The following GSAP variants were observed in gnomAD, a reference collection of about 807,000 sequenced individuals.
GSAP encodes the protein gamma-secretase-activating protein.
GSAP carries 118 observed loss-of-function variants against 131.7 expected under a neutral mutation model. The observed-to-expected ratio is 0.90, with a 90% CI of 0.77 to 1.04. GSAP has a LOEUF of 1.04. Among genes scored for constraint, GSAP ranks in the 50% least tolerant of loss-of-function variants. The pLI, the probability that GSAP is intolerant of heterozygous loss-of-function variation, is 0.00. For synonymous variants in GSAP, 381 were observed against 363.4 expected (o/e 1.05, Z -0.55); for missense variants, 1,019 against 1,013.2 (o/e 1.01, Z -0.08).
At chr7:77,407,298 G>C (rs1802462402) in intron 1 of GSAP, among the ~76,000 whole-genome samples, 1 of 152,056 alleles carries the variant, frequency 6.6e-6, no homozygotes, top group Admixed American at 6.6e-5. Flanking sequence ...ACATCAGCTT[G>C]GTTAGTGCTT....
At chr7:77,345,501 C>T (rs1296824794) in intron 19 of GSAP, among the ~76,000 whole-genome samples, 3 of 152,172 alleles carry the variant, frequency 2.0e-5, no homozygotes, top group Non-Finnish European at 2.9e-5. Context: ...GTGACCTGCA[C>T]GTATACATCC....
At chr7:77,377,258 A>AAAAAT in intron 9 of GSAP, 28 bp downstream of exon 9, 1 of 1,400,736 alleles carries the variant, frequency 7.1e-7, no homozygotes, top group Non-Finnish European at 9.4e-7. Context: ...AAAAAAAAAA[A>AAAAAT]GGAGTGCCCG....
intron 19 of GSAP, among the ~76,000 whole-genome samples, chr7:77,331,118 G>A (rs1196666473): frequency 4.6e-5 from 7 of 152,142 alleles, no homozygotes; most frequent in East Asian, 1.9e-4. Context: ...TCGAGACCAC[G>A]GTGAAACCCC....
chr7:77,348,122 TC>T (rs1792192277), intron 19 of GSAP, among the ~76,000 whole-genome samples: 1 of 151,964 alleles, frequency 6.6e-6, no homozygotes, highest in South Asian at 2.1e-4. Flanking sequence ...TGAGCTATGA[TC>T]ATGCCACTGC....
intron 19 of GSAP, among the ~76,000 whole-genome samples, chr7:77,346,270 C>CAAAAA (rs1223497863): frequency 0.1 from 4,183 of 40,564 alleles, 242 homozygotes; most frequent in Non-Finnish European, 0.12. Context: ...GACTCCATCT[C>CAAAAA]AAAAAAAAAA....
At chr7:77,409,417 A>G (rs947133601) in intron 1 of GSAP, among the ~76,000 whole-genome samples, 1 of 152,202 alleles carries the variant, frequency 6.6e-6, no homozygotes, top group Non-Finnish European at 1.5e-5. Context: ...GGCCTACTAT[A>G]CTTTTCAATG....
chr7:77,346,295 GAA>G (rs1270260964), intron 19 of GSAP, among the ~76,000 whole-genome samples: 1 of 124,758 alleles, frequency 8.0e-6, no homozygotes, highest in African/African-American at 3.2e-5. Context: ...AAAAAAGAAA[GAA>G]AGAAAAAAAA....
At chr7:77,345,961 C>T (rs1323514915) in intron 19 of GSAP, among the ~76,000 whole-genome samples, 1 of 152,088 alleles carries the variant, frequency 6.6e-6, no homozygotes, top group Non-Finnish European at 1.5e-5. Flanking sequence ...CCCAATGTTA[C>T]CTCTGGGCTC....
chr7:77,336,092 G>C (rs1005018101), intron 19 of GSAP, among the ~76,000 whole-genome samples: 2 of 152,200 alleles, frequency 1.3e-5, no homozygotes, highest in African/African-American at 4.8e-5. Flanking sequence ...AATATAATTG[G>C]ACTTGCTCCT....
intron 3 of GSAP, 109 bp downstream of exon 3, chr7:77,404,450 G>C (rs1209926221): frequency 1.7e-5 from 12 of 697,512 alleles, no homozygotes; most frequent in Non-Finnish European, 3.0e-5. Flanking sequence ...CAAATAAAAT[G>C]TTTACAGAAA....
At chr7:77,321,433 T>C (rs758176491) in intron 24 of GSAP, 30 bp from the exon 25 acceptor site, 11 of 1,447,478 alleles carry the variant, frequency 7.6e-6, no homozygotes, top group Middle Eastern at 3.5e-4. Context: ...CATTAACCAT[T>C]GCTCCATTCC....
intron 18 of GSAP, among the ~76,000 whole-genome samples, chr7:77,350,329 C>T (rs1413077010): frequency 6.3e-5 from 9 of 143,520 alleles, no homozygotes; most frequent in Middle Eastern, 3.6e-3. Flanking sequence ...TGCTAAATGA[C>T]GAGTTAATGG....
At chr7:77,399,584 GA>G (rs1288714960) in intron 3 of GSAP, among the ~76,000 whole-genome samples, 1 of 151,998 alleles carries the variant, frequency 6.6e-6, no homozygotes, top group East Asian at 1.9e-4. Flanking sequence ...GGTGAGGAAG[GA>G]AAGCTATTGG....
rs748435359 is a variant in GSAP at position 77,323,697 on chromosome 7, C to T, written c.1873G>A (p.Val625Ile). ...ATCTGTTCAATTTTCTTCTTTTCTACACCCTGTAGGTGTCTCAAAAAATGG... is the reference window on the plus strand; with the variant it reads ...ATCTGTTCAATTTTCTTCTTTTCTATACCCTGTAGGTGTCTCAAAAAATGG... ...KDHFLRHLQG[V>I]EKKKIEQMVL... Residue 625 changes from valine (V) to isoleucine (I), a missense_variant, in exon 24 of 31, where the codon GTA (valine) becomes ATA (isoleucine). Physicochemically the swap from Val to Ile is conservative, Grantham distance 29 (BLOSUM62 3). Transcript: ENST00000257626. 5.6e-6 allele frequency: 9 copies of T among 1,608,266 alleles called. No individual in the cohort carries two copies. The highest frequency in any genetic ancestry group is 7.7e-6 in the Non-Finnish European group (9 of 1,175,492).
At chr7:77,379,940 T>TCC in intron 8 of GSAP, 1 of 925,758 alleles carries the variant, frequency 1.1e-6, no homozygotes, top group Non-Finnish European at 1.3e-6. Context: ...TTCAATTTGT[T>TCC]CACTTAACTT....
At chr7:77,342,076 C>T (rs1791019636) in intron 19 of GSAP, among the ~76,000 whole-genome samples, 1 of 152,218 alleles carries the variant, frequency 6.6e-6, no homozygotes, top group South Asian at 2.1e-4. Context: ...GACTGTCCAA[C>T]TCGCCCAGCA....
At chr7:77,313,936 A>G (rs1301994491) in intron 27 of GSAP, among the ~76,000 whole-genome samples, 1 of 151,114 alleles carries the variant, frequency 6.6e-6, no homozygotes, top group African/African-American at 2.4e-5. Context: ...TAACTTTGAG[A>G]TGACAGAGTT....
chr7:77,346,804 C>T (rs993139598), intron 19 of GSAP, among the ~76,000 whole-genome samples: 19 of 152,180 alleles, frequency 1.2e-4, no homozygotes, highest in African/African-American at 4.6e-4. Context: ...ATGCCCATAG[C>T]CTTTGTTACA....
At chr7:77,341,043 G>A (rs1262965039) in intron 19 of GSAP, among the ~76,000 whole-genome samples, 1 of 152,088 alleles carries the variant, frequency 6.6e-6, no homozygotes, top group Non-Finnish European at 1.5e-5. Context: ...AACACCGCTT[G>A]GCCCCAATAC....
Sources: allele counts gnomAD v4.1 joint callset (sites outside exome capture counted in the v4.1 genomes callset), GRCh38; gene constraint gnomAD v4.1.1; transcripts MANE v1.5; gene names NCBI Gene and HGNC (gene_info 2026-07-23, HGNC 2026-07-21).